Variants in GPHN observed in about 807,000 individuals in gnomAD.
GPHN encodes the protein gephyrin.
A neutral mutation model predicts 95.5 loss-of-function variants in GPHN; 17 were observed. That is an observed-to-expected ratio of 0.18 (90% CI 0.12 to 0.27). The LOEUF (loss-of-function observed/expected upper bound fraction) is 0.27, where lower values mean the gene tolerates loss of function less well. Ranked by LOEUF, GPHN falls within the 10% of genes least tolerant of loss-of-function variation. The probability of loss-of-function intolerance (pLI) is 1.00; values close to 1 mark genes in which losing one functional copy is unlikely to be tolerated. For missense variants in GPHN, 660 were observed against 978.1 expected (o/e 0.67, Z 4.34); for synonymous variants, 320 against 322.5 (o/e 0.99, Z 0.08).
At chr14:66,844,097 TTTAGA>T (rs1215509636) in intron 4 of GPHN, among the ~76,000 whole-genome samples, 1 of 152,072 alleles carries the variant, frequency 6.6e-6, no homozygotes, top group Non-Finnish European at 1.5e-5. Flanking sequence ...TTCTTTGTAG[TTTAGA>T]TTAAAGTAGC....
chr14:67,057,989 G>A (rs542132162), intron 10 of GPHN, among the ~76,000 whole-genome samples: 1 of 152,266 alleles, frequency 6.6e-6, no homozygotes, highest in South Asian at 2.1e-4. Context: ...AGAAACTTTT[G>A]TAAGATTATA....
At chr14:66,951,680 T>A (rs1373131731) in intron 8 of GPHN, among the ~76,000 whole-genome samples, 1 of 152,116 alleles carries the variant, frequency 6.6e-6, no homozygotes, top group African/African-American at 2.4e-5. Flanking sequence ...AGTATAATGA[T>A]ACGATTAAAG....
chr14:66,623,830 C>A (rs1041039316), intron 1 of GPHN, among the ~76,000 whole-genome samples: 1 of 152,004 alleles, frequency 6.6e-6, no homozygotes. Flanking sequence ...CATCCTTGGT[C>A]CCATGTGGGA....
At chr14:66,841,807 G>C (rs1267099484) in intron 4 of GPHN, among the ~76,000 whole-genome samples, 1 of 152,110 alleles carries the variant, frequency 6.6e-6, no homozygotes, top group African/African-American at 2.4e-5. Flanking sequence ...TTGGGAGGTT[G>C]AGGTGGGTGG....
At chr14:67,431,497 T>C in the GPHN span, among the ~76,000 whole-genome samples, 1 of 150,426 alleles carries the variant, frequency 6.6e-6, no homozygotes, top group African/African-American at 2.4e-5. Context: ...GAGACCAGCC[T>C]GGGCAACATT....
Position 66,851,351 on chromosome 14 carries a change from T to C in GPHN, c.294+26785T>C, listed in dbSNP as rs115748075. Among the ~76,000 whole-genome samples, 467 of 152,226 alleles carry C rather than the reference T, an allele frequency of 3.1e-3. 10 individuals are homozygous for C. Among genetic ancestry groups the C allele is most frequent in the African/African-American group, 0.011 (442 of 41,552 alleles). On this transcript the variant is annotated intron_variant, in intron 4 of 22. Coordinates refer to ENST00000478722, the MANE Select transcript of GPHN (RefSeq NM_020806.5). The stretch of plus-strand genomic sequence containing the variant: ...ACTTTTAGCACTACAGATTACTTTT[T>C]TTTTTTCAAAGACAGGAGCTCCCTC...
chr14:66,676,085 T>C (rs2066571947), intron 1 of GPHN, among the ~76,000 whole-genome samples: 1 of 152,134 alleles, frequency 6.6e-6, no homozygotes, highest in African/African-American at 2.4e-5. Flanking sequence ...AATGGTGGGA[T>C]TTGGGTTTCT....
chr14:67,660,461 C>A, the GPHN span, among the ~76,000 whole-genome samples: 1 of 152,150 alleles, frequency 6.6e-6, no homozygotes, highest in Admixed American at 6.5e-5. Flanking sequence ...TCTTCAAATT[C>A]TCTCAGCTCT....
At chr14:66,773,881 G>C (rs2059276320) in intron 2 of GPHN, among the ~76,000 whole-genome samples, 1 of 151,006 alleles carries the variant, frequency 6.6e-6, no homozygotes, top group African/African-American at 2.4e-5. Flanking sequence ...CCTGAAGTCA[G>C]TTCTAAATAT....
the GPHN span, among the ~76,000 whole-genome samples, chr14:67,676,179 A>G: frequency 6.6e-6 from 1 of 152,190 alleles, no homozygotes; most frequent in Non-Finnish European, 1.5e-5. Context: ...TGGGAGTTCA[A>G]TTTTAAACTG....
chr14:67,152,626 A>G (rs1260913110), intron 18 of GPHN, among the ~76,000 whole-genome samples: 3 of 152,208 alleles, frequency 2.0e-5, no homozygotes, highest in East Asian at 3.8e-4. Context: ...AGAATAATCA[A>G]TTACATCTCC....
At chr14:67,292,520 A>G in the GPHN span, 3 of 1,607,408 alleles carry the variant, frequency 1.9e-6, no homozygotes, top group Non-Finnish European at 2.6e-6. Flanking sequence ...GAAATAGAAG[A>G]CTTGTTTTCT....
the GPHN span, among the ~76,000 whole-genome samples, chr14:67,229,859 C>A: frequency 6.6e-6 from 1 of 152,150 alleles, no homozygotes; most frequent in Non-Finnish European, 1.5e-5. Flanking sequence ...CAGCACTGCT[C>A]TAGAGAAAAA....
the GPHN span, chr14:67,722,761 G>A: frequency 1.4e-6 from 2 of 1,437,530 alleles, no homozygotes; most frequent in Non-Finnish European, 2.0e-6. Context: ...ACCTGCACTG[G>A]AAGCCGGTTC....
At chr14:67,217,720 G>T in the GPHN span, among the ~76,000 whole-genome samples, 1 of 152,070 alleles carries the variant, frequency 6.6e-6, no homozygotes, top group Non-Finnish European at 1.5e-5. Flanking sequence ...ATCTGTAAAA[G>T]ATTTTAATCT....
At chr14:67,064,040 G>T (rs1297300642) in intron 11 of GPHN, among the ~76,000 whole-genome samples, 1 of 152,066 alleles carries the variant, frequency 6.6e-6, no homozygotes, top group East Asian at 1.9e-4. Context: ...TCCAGTTTTT[G>T]CCCATTCAGT....
chr14:66,519,411 C>T (rs2139790131), intron 1 of GPHN, among the ~76,000 whole-genome samples: 1 of 152,114 alleles, frequency 6.6e-6, no homozygotes, highest in South Asian at 2.1e-4. Context: ...AATTGATGGA[C>T]CACTGGCCCT....
chr14:67,218,778 G>T, the GPHN span, among the ~76,000 whole-genome samples: 11 of 151,946 alleles, frequency 7.2e-5, no homozygotes, highest in African/African-American at 2.7e-4. Flanking sequence ...AGGTTCAGGG[G>T]TCTCTCTCAT....
At chr14:67,205,798 C>T in the GPHN span, among the ~76,000 whole-genome samples, 1 of 152,154 alleles carries the variant, frequency 6.6e-6, no homozygotes. Flanking sequence ...AATGAAGGAG[C>T]TGTGTTTTTA....
Sources: gnomAD v4.1 joint callset for allele counts (sites outside exome capture counted in the v4.1 genomes callset) on GRCh38, gnomAD v4.1.1 for gene constraint, MANE v1.5 for transcripts, NCBI Gene and HGNC (gene_info 2026-07-23, HGNC 2026-07-21) for gene names.